AFG2A: variants seen among roughly 807,000 people sequenced by gnomAD.
AFG2A encodes the protein AAA ATPase AFG2A.
At chr4:123,180,379 A>G in the AFG2A span, among the ~76,000 whole-genome samples, 1 of 152,202 alleles carries the variant, frequency 6.6e-6, no homozygotes, top group African/African-American at 2.4e-5. Flanking sequence ...TGTGGTACAT[A>G]TGTTACTTAA....
At chr4:123,240,581 C>G in the AFG2A span, among the ~76,000 whole-genome samples, 2 of 152,112 alleles carry the variant, frequency 1.3e-5, no homozygotes, top group African/African-American at 4.8e-5. Context: ...TGTTTGAAAC[C>G]AGTGAGAACA....
chr4:123,070,889 T>C, the AFG2A span, among the ~76,000 whole-genome samples: 1 of 152,170 alleles, frequency 6.6e-6, no homozygotes, highest in Non-Finnish European at 1.5e-5. Flanking sequence ...GAAGGTTTAT[T>C]GGTTTTCTTT....
chr4:122,977,211 G>A, the AFG2A span, among the ~76,000 whole-genome samples: 809 of 152,188 alleles, frequency 5.3e-3, 8 homozygotes, highest in African/African-American at 0.018. Context: ...TTATATCCTC[G>A]GGCCCACTGG....
chr4:123,034,169 G>T, the AFG2A span, among the ~76,000 whole-genome samples: 2 of 151,820 alleles, frequency 1.3e-5, no homozygotes, highest in Non-Finnish European at 2.9e-5. Flanking sequence ...GTGGTATATG[G>T]AAACTCCCAA....
At chr4:123,031,047 C>T in the AFG2A span, among the ~76,000 whole-genome samples, 17 of 152,158 alleles carry the variant, frequency 1.1e-4, 2 homozygotes, top group South Asian at 3.5e-3. Flanking sequence ...TTTCATTGGT[C>T]CTTTTATTTT....
chr4:123,246,377 A>C, the AFG2A span, among the ~76,000 whole-genome samples: 4 of 152,276 alleles, frequency 2.6e-5, no homozygotes, highest in African/African-American at 9.6e-5. Flanking sequence ...CTTCTTCCAC[A>C]CTGCTGCCAG....
the AFG2A span, among the ~76,000 whole-genome samples, chr4:123,030,092 T>C: frequency 6.6e-6 from 1 of 152,234 alleles, no homozygotes; most frequent in Non-Finnish European, 1.5e-5. Flanking sequence ...TCTCCATTTT[T>C]TCTGTTCTTA....
chr4:123,217,028 T>G, the AFG2A span, among the ~76,000 whole-genome samples: 1 of 152,210 alleles, frequency 6.6e-6, no homozygotes, highest in African/African-American at 2.4e-5. Context: ...ATAATAAATA[T>G]GAACCACTTT....
the AFG2A span, chr4:123,318,871 A>G: frequency 1.3e-5 from 2 of 152,198 alleles, no homozygotes; most frequent in Admixed American, 6.5e-5. Context: ...CAAGGAAAGA[A>G]AATGGCCAGC....
the AFG2A span, among the ~76,000 whole-genome samples, chr4:123,008,269 C>A: frequency 6.6e-6 from 1 of 152,264 alleles, no homozygotes; most frequent in Middle Eastern, 3.4e-3. Flanking sequence ...TTTTCAGTCA[C>A]CAGTTCTTAT....
the AFG2A span, among the ~76,000 whole-genome samples, chr4:123,024,271 G>A: frequency 3.5e-5 from 5 of 144,424 alleles, no homozygotes; most frequent in Non-Finnish European, 7.5e-5. Context: ...AGCAACCTGT[G>A]GCACAACGGG....
At chr4:123,227,032 T>A in the AFG2A span, among the ~76,000 whole-genome samples, 3 of 152,230 alleles carry the variant, frequency 2.0e-5, no homozygotes, top group African/African-American at 7.2e-5. Context: ...TGGTAGTTTG[T>A]ATTTCTGTGG....
chr4:123,120,748 A>C, the AFG2A span, among the ~76,000 whole-genome samples: 253 of 152,298 alleles, frequency 1.7e-3, 1 homozygote, highest in Middle Eastern at 0.014. Context: ...TGGTGTAAAC[A>C]AACCTGCTGT....
the AFG2A span, among the ~76,000 whole-genome samples, chr4:123,216,664 CT>C: frequency 6.3e-4 from 90 of 142,920 alleles, no homozygotes; most frequent in Middle Eastern, 3.6e-3. Context: ...ATTATTTTTA[CT>C]TTTTTTTTTT....
the AFG2A span, chr4:123,028,494 G>A: frequency 1.1e-6 from 1 of 910,526 alleles, no homozygotes. Flanking sequence ...GGCATCTTAA[G>A]GAGCAGTGAT....
chr4:122,978,544 G>A, the AFG2A span, among the ~76,000 whole-genome samples: 1 of 152,210 alleles, frequency 6.6e-6, no homozygotes, highest in Non-Finnish European at 1.5e-5. Context: ...CTGACAGCCT[G>A]CCCTCCATGC....
chr4:123,268,361 G>A, the AFG2A span, among the ~76,000 whole-genome samples: 11,112 of 152,088 alleles, frequency 0.073, 748 homozygotes, highest in African/African-American at 0.18. Context: ...CTCCCAGAAA[G>A]TCAAACAAAA....
At chr4:122,992,978 G>GTGTGTGTGTGTGTGTGTGTGTA in the AFG2A span, among the ~76,000 whole-genome samples, 20,615 of 133,994 alleles carry the variant, frequency 0.15, 1,219 homozygotes, top group East Asian at 0.26. Context: ...GTGTGTGTAT[G>GTGTGTGTGTGTGTGTGTGTGTA]TGTGTGTGTG....
the AFG2A span, among the ~76,000 whole-genome samples, chr4:123,299,500 G>A: frequency 2.9e-4 from 44 of 152,274 alleles, no homozygotes; most frequent in Admixed American, 2.1e-3. Flanking sequence ...GTGCTTTCAT[G>A]TGTATGTATT....
Sources: allele counts gnomAD v4.1 joint callset (sites outside exome capture counted in the v4.1 genomes callset), GRCh38; gene constraint gnomAD v4.1.1; transcripts MANE v1.5; gene names NCBI Gene and HGNC (gene_info 2026-07-23, HGNC 2026-07-21).